Variants in FIGLA observed in about 807,000 individuals in gnomAD.
FIGLA encodes the protein factor in the germline alpha.
Under a neutral mutation model 21.5 loss-of-function variants are expected in FIGLA, and 17 were observed. That is an observed-to-expected ratio of 0.79 (90% CI 0.54 to 1.19). The LOEUF is 1.19. Ranked by LOEUF, FIGLA falls within the 50% of genes most tolerant of loss-of-function variation. The probability of loss-of-function intolerance (pLI) is 0.00; values close to 1 mark genes in which losing one functional copy is unlikely to be tolerated. For missense variants in FIGLA, 282 were observed against 285.0 expected (o/e 0.99, Z 0.08); for synonymous variants, 129 against 117.6 (o/e 1.10, Z -0.63).
At chr2:70,782,829 G>C (rs1340785262) in intron 3 of FIGLA, among the ~76,000 whole-genome samples, 2 of 152,140 alleles carry the variant, frequency 1.3e-5, no homozygotes, top group Non-Finnish European at 2.9e-5. Context: ...AGCATTCTGG[G>C]AGGCTGAGGT....
At chr2:70,781,563 G>A (rs1476501048) in intron 3 of FIGLA, among the ~76,000 whole-genome samples, 3 of 152,058 alleles carry the variant, frequency 2.0e-5, no homozygotes, top group Admixed American at 6.6e-5. Flanking sequence ...AAATATTTAC[G>A]TGAACAGTTA....
rs540555047 is a variant in FIGLA, at chr2:70,789,823, T to C, written c.231+585A>G. ...CCACAGGACCCTTCCCGTTTGCGAG[T>C]TGCTGCGGCTCGACTGGGAAACACT... is the stretch of plus-strand genomic sequence containing the variant. On this transcript the variant is annotated intron_variant, in intron 1 of 4. Transcript: ENST00000332372. 1.1e-3 allele frequency among the ~76,000 whole-genome samples: 167 copies of C among 152,184 alleles called. 1 individual carries two copies. Among genetic ancestry groups the C allele is most frequent in the Non-Finnish European group, 1.6e-3 (108 of 68,002 alleles).
intron 1 of FIGLA, among the ~76,000 whole-genome samples, chr2:70,788,047 C>T (rs1001125615): frequency 2.0e-5 from 3 of 152,170 alleles, no homozygotes; most frequent in Non-Finnish European, 4.4e-5. Context: ...TGAGCTCACT[C>T]CTCTTCTTTT....
At position 70,790,541 on chromosome 2, in the gene FIGLA, T is replaced by A; in HGVS notation, c.98A>T (p.Gln33Leu). ...AEVLEDVLREQFGPLPQLAAV... is the reference protein window; with the variant it reads ...AEVLEDVLRELFGPLPQLAAV... The stretch of plus-strand genomic sequence containing the variant: ...GGCCAGCTGGGGCAGCGGCCCGAAC[T>A]GCTCCCGCAACACGTCCTCCAGCAC... Residue 33 changes from glutamine (Q) to leucine (L), a missense_variant, in exon 1 of 5, where the codon CAG becomes CTG. Transcript: ENST00000332372. 1 of 1,534,716 alleles carries A rather than the reference T, an allele frequency of 6.5e-7. No homozygotes were observed. Among genetic ancestry groups the A allele is most frequent in the Non-Finnish European group, 8.7e-7 (1 of 1,145,068 alleles).
chr2:70,778,357 G>A (rs932867752), intron 3 of FIGLA, among the ~76,000 whole-genome samples: 5 of 152,146 alleles, frequency 3.3e-5, no homozygotes, highest in Non-Finnish European at 1.5e-5. Context: ...TACACTGCCA[G>A]GAGCAGTCTC....
In FIGLA at chr2:70,777,374, T is replaced by C; in HGVS notation, c.653A>G (p.Gln218Arg). The C allele has an allele frequency of 6.7e-7, 1 of 1,495,548 alleles. No individual in the cohort carries two copies. Among genetic ancestry groups the C allele is most frequent in the Non-Finnish European group, 8.9e-7 (1 of 1,117,970 alleles). 92.6% of individuals were successfully genotyped at this position (1,495,548 alleles called of 1,614,324 possible). A position where few individuals can be genotyped will look rare whatever the true frequency, so the allele number is the denominator to read the frequency against. ...EVELLSHRLP[Q>R]V is the part of the protein sequence containing the mutation. ...CCTGGGCCTTTTCATTTTTCATACT[T>C]GTGGAAGTCTGAAACAGAGAAAACA... The change falls in exon 5 of 5, where the codon CAA becomes CGA. Residue 218 changes from glutamine to arginine, a missense_variant. Physicochemically the swap from Gln to Arg is conservative, Grantham distance 43. Transcript: ENST00000332372.
In FIGLA at chr2:70,785,651, A is replaced by G. The variant is rs200199563; in HGVS notation, c.385-12T>C. The G allele has an allele frequency of 6.3e-7, 1 of 1,598,826 alleles. No individual in the cohort carries two copies. The highest frequency in any genetic ancestry group is 2.2e-5 in the East Asian group (1 of 44,758). ...TCTGGGTCTTGTTTCTGGAAACCAT[A>G]TTTAGTTGTCAAACAGTATAATATG... is the stretch of plus-strand genomic sequence containing the variant. On this transcript the variant is annotated splice_polypyrimidine_tract_variant and intron_variant, in intron 2 of 4. Coordinates refer to ENST00000332372, the MANE Select transcript of FIGLA (RefSeq NM_001004311.3).
At chr2:70,777,575 CTT>C (rs1553388489) in intron 4 of FIGLA, 60 bp downstream of exon 4, 1 of 1,572,982 alleles carries the variant, frequency 6.4e-7, no homozygotes, top group Non-Finnish European at 8.6e-7. Flanking sequence ...AATTAGCACT[CTT>C]ATTATACAGC....
At chr2:70,785,285 C>G in intron 3 of FIGLA, 130 bp downstream of exon 3, 2 of 809,660 alleles carry the variant, frequency 2.5e-6, no homozygotes, top group South Asian at 3.7e-5. Context: ...AACCCCACTG[C>G]CCCACCCAAA....
intron 3 of FIGLA, among the ~76,000 whole-genome samples, chr2:70,778,743 G>A (rs782068139): frequency 6.6e-6 from 1 of 152,092 alleles, no homozygotes; most frequent in African/African-American, 2.4e-5. Flanking sequence ...ATTGGCTGTT[G>A]GTCTCATCTA....
At chr2:70,781,069 G>A (rs1475519073) in intron 3 of FIGLA, among the ~76,000 whole-genome samples, 2 of 152,210 alleles carry the variant, frequency 1.3e-5, no homozygotes, top group African/African-American at 4.8e-5. Context: ...AGCTGAGTAG[G>A]CCAGGCACTT....
In FIGLA at chr2:70,790,505, C is replaced by T. The variant is rs1453466936; in HGVS notation, c.134G>A (p.Arg45Gln). ...GPLPQLAAVCRLKRLPSGGYS... is the reference protein window; with the variant it reads ...GPLPQLAAVCQLKRLPSGGYS... ...GCCGCCCGAGGGCAGCCGCTTGAGC[C>T]GGCAGACAGCGGCCAGCTGGGGCAG... Residue 45 changes from arginine to glutamine, a missense_variant, in exon 1 of 5, where the codon CGG becomes CAG. Physicochemically the swap from Arg to Gln is conservative, Grantham distance 43. Transcript: ENST00000332372. The T allele has an allele frequency of 7.8e-6, 12 of 1,541,866 alleles. No homozygotes were observed. The African/African-American group carries it at 1.6e-4, about 21-fold the overall frequency.
At chr2:70,789,269 C>G (rs1356135665) in intron 1 of FIGLA, among the ~76,000 whole-genome samples, 3 of 152,132 alleles carry the variant, frequency 2.0e-5, no homozygotes, top group Non-Finnish European at 4.4e-5. Context: ...TCACTCATTT[C>G]TGTCTTTTCC....
intron 1 of FIGLA, among the ~76,000 whole-genome samples, chr2:70,789,825 G>C (rs975248421): frequency 1.1e-4 from 16 of 152,196 alleles, no homozygotes. Flanking sequence ...TTTGCGAGTT[G>C]CTGCGGCTCG....
chr2:70,787,829 A>T (rs782211410), intron 1 of FIGLA, 28 bp from the exon 2 acceptor site: 3 of 1,606,430 alleles, frequency 1.9e-6, no homozygotes, highest in South Asian at 2.2e-5. Context: ...ACAGTAACAC[A>T]CAGAGAAGCC....
At chr2:70,781,261 G>A (rs1370913462) in intron 3 of FIGLA, among the ~76,000 whole-genome samples, 21 of 152,100 alleles carry the variant, frequency 1.4e-4, no homozygotes, top group Admixed American at 9.8e-4. Context: ...GATGGGAGAT[G>A]GGTTATACAC....
chr2:70,785,670 T>C (rs1276478256), intron 2 of FIGLA, 31 bp from the exon 3 acceptor site: 2 of 1,522,696 alleles, frequency 1.3e-6, no homozygotes, highest in Admixed American at 1.7e-5. Flanking sequence ...TCAAACAGTA[T>C]AATATGACAG....
At chr2:70,777,794 C>T (rs1355752873) in intron 3 of FIGLA, 123 bp from the exon 4 acceptor site, 2 of 495,866 alleles carry the variant, frequency 4.0e-6, no homozygotes, top group East Asian at 6.4e-5. Flanking sequence ...TAATGGGTCA[C>T]ATAAACATGC....
At chr2:70,780,004 C>T (rs1675826254) in intron 3 of FIGLA, among the ~76,000 whole-genome samples, 1 of 152,198 alleles carries the variant, frequency 6.6e-6, no homozygotes, top group Non-Finnish European at 1.5e-5. Flanking sequence ...TCTCCTGGAC[C>T]TTGAAATTAA....
Sources: gnomAD v4.1 joint callset for allele counts (sites outside exome capture counted in the v4.1 genomes callset) on GRCh38, gnomAD v4.1.1 for gene constraint, MANE v1.5 for transcripts, NCBI Gene and HGNC (gene_info 2026-07-23, HGNC 2026-07-21) for gene names.